GAB2: variants seen among roughly 807,000 people sequenced by gnomAD.
GAB2 encodes GRB2-associated-binding protein 2.
Under a neutral mutation model 65.5 loss-of-function variants are expected in GAB2, and 26 were observed. The observed-to-expected ratio is 0.40, with a 90% confidence interval of 0.29 to 0.55. GAB2 has a LOEUF of 0.55. Ranked by LOEUF, GAB2 falls within the 20% of genes least tolerant of loss-of-function variation. The pLI is 0.53. For missense variants in GAB2, 884 were observed against 875.8 expected, an observed-to-expected ratio of 1.01 and a Z score of -0.12; for synonymous variants, 321 against 329.6, an observed-to-expected ratio of 0.97 and a Z score of 0.28.
chr11:78,414,970 C>T (rs1375758650), intron 1 of GAB2, among the ~76,000 whole-genome samples: 2 of 152,128 alleles, frequency 1.3e-5, no homozygotes, highest in East Asian at 3.9e-4. Context: ...CTCCCGGGCT[C>T]ACGCGATTCT....
rs1234264088 is a variant in GAB2 at position 78,309,965 on chromosome 11, TGTGTGTGC to T, written c.76-29072_76-29065del. On this transcript the variant is annotated intron_variant, in intron 1 of 9. Transcript: ENST00000361507. ...GTGTGTGTGTGTGTGTGTGTGTGTG[TGTGTGTGC>T]GCGCGCGCCTGTGTGTGTGGTGGTG... Among the ~76,000 whole-genome samples the T allele has an allele frequency of 5.6e-3, 613 of 110,058 alleles. 4 individuals carry two copies. Among genetic ancestry groups the T allele is most frequent in the African/African-American group, 0.018 (556 of 30,056 alleles). The allele number at this position is 110,058 out of a possible 152,430, so 72.2% of individuals were successfully genotyped here. A position where few individuals can be genotyped will look rare whatever the true frequency, so the allele number is the denominator to read the frequency against.
intron 3 of GAB2, among the ~76,000 whole-genome samples, chr11:78,227,655 C>T (rs1166917879): frequency 8.9e-6 from 1 of 112,802 alleles, no homozygotes; most frequent in Non-Finnish European, 1.8e-5. Flanking sequence ...AAAGAACTAG[C>T]TGGGCAGGGT....
At chr11:78,339,491 C>A (rs895510560) in intron 1 of GAB2, among the ~76,000 whole-genome samples, 3 of 152,088 alleles carry the variant, frequency 2.0e-5, no homozygotes, top group African/African-American at 7.2e-5. Context: ...CCGCTTATGC[C>A]CTACAATACA....
chr11:78,396,593 T>A (rs1288617358), intron 1 of GAB2, among the ~76,000 whole-genome samples: 1 of 152,310 alleles, frequency 6.6e-6, no homozygotes, highest in East Asian at 1.9e-4. Context: ...TATTTTGTGA[T>A]GCGGAAATAT....
intron 1 of GAB2, among the ~76,000 whole-genome samples, chr11:78,298,565 A>AAC (rs900042676): frequency 2.6e-5 from 4 of 152,244 alleles, no homozygotes; most frequent in African/African-American, 9.6e-5. Context: ...AGACCAGGTC[A>AAC]ACCTTTCTAC....
intron 2 of GAB2, among the ~76,000 whole-genome samples, chr11:78,268,478 A>T (rs1865924551): frequency 6.6e-6 from 1 of 152,218 alleles, no homozygotes; most frequent in African/African-American, 2.4e-5. Context: ...CCAATATTAG[A>T]GTTAGACTGG....
chr11:78,343,641 G>A (rs933819240), intron 1 of GAB2, among the ~76,000 whole-genome samples: 1 of 152,204 alleles, frequency 6.6e-6, no homozygotes, highest in South Asian at 2.1e-4. Context: ...AGCCACTGCT[G>A]CTTCTTGGGA....
chr11:78,245,080 A>C (rs909000634), intron 3 of GAB2, among the ~76,000 whole-genome samples: 1 of 152,210 alleles, frequency 6.6e-6, no homozygotes, highest in Admixed American at 6.5e-5. Context: ...ATGTAGTATG[A>C]GTCCATGTAT....
At chr11:78,310,087 T>C (rs895985930) in intron 1 of GAB2, among the ~76,000 whole-genome samples, 2 of 151,956 alleles carry the variant, frequency 1.3e-5, no homozygotes, top group Non-Finnish European at 2.9e-5. Context: ...AAACCATGCA[T>C]AGGATAAAAT....
At chr11:78,416,858 A>T (rs1179354197) in intron 1 of GAB2, among the ~76,000 whole-genome samples, 1 of 146,436 alleles carries the variant, frequency 6.8e-6, no homozygotes, top group Admixed American at 6.8e-5. Context: ...CCAGTTCCCC[A>T]CCTAGAGGGA....
At chr11:78,370,703 GTGTGTGTGCGTGTGTGTGTGTA>G (rs1306352919) in intron 1 of GAB2, among the ~76,000 whole-genome samples, 155 of 145,530 alleles carry the variant, frequency 1.1e-3, no homozygotes, top group African/African-American at 4.2e-3. Flanking sequence ...AATATTGTAT[GTGTGTGTGCGTGTGTGTGTGTA>G]TGTGTGTGTG....
chr11:78,368,540 C>G (rs1276197715), intron 1 of GAB2, among the ~76,000 whole-genome samples: 1 of 152,062 alleles, frequency 6.6e-6, no homozygotes, highest in African/African-American at 2.4e-5. Context: ...AGTCACAATA[C>G]AAACAAATGT....
chr11:78,257,086 G>A (rs1022688605), intron 2 of GAB2, among the ~76,000 whole-genome samples: 1 of 151,798 alleles, frequency 6.6e-6, no homozygotes, highest in Non-Finnish European at 1.5e-5. Flanking sequence ...ATCACCCCTG[G>A]GAAGCCTGCC....
Position 78,216,087 on chromosome 11 carries a change from T to A in GAB2, c.*3185A>T, listed in dbSNP as rs1852819293. 2.6e-5 allele frequency: 4 copies of A among 151,952 alleles called. No individual in the cohort carries two copies. Among genetic ancestry groups the A allele is most frequent in the Admixed American group, 1.3e-4 (2 of 15,216 alleles). 9.4% of individuals were successfully genotyped at this position (151,952 alleles called of 1,614,324 possible). On this transcript the variant is annotated 3_prime_UTR_variant, in exon 10 of 10. Transcript: ENST00000361507. The stretch of plus-strand genomic sequence containing the variant: ...CAGAAAGAAGTTACAGAGGAGGGAG[T>A]CTCCCCTTCAAGCAGCTGAGCACCA...
chr11:78,373,876 G>T (rs1289853875), intron 1 of GAB2, among the ~76,000 whole-genome samples: 1 of 152,118 alleles, frequency 6.6e-6, no homozygotes, highest in Non-Finnish European at 1.5e-5. Context: ...CTAAAACAAG[G>T]TTCTTTTTAT....
chr11:78,254,237 A>C (rs1865534266), intron 2 of GAB2, among the ~76,000 whole-genome samples: 1 of 152,230 alleles, frequency 6.6e-6, no homozygotes, highest in African/African-American at 2.4e-5. Flanking sequence ...TCTATCACTT[A>C]TGTACCCCTA....
chr11:78,271,620 G>C (rs1455599844), intron 2 of GAB2, among the ~76,000 whole-genome samples: 1 of 151,998 alleles, frequency 6.6e-6, no homozygotes, highest in Admixed American at 6.6e-5. Context: ...TGAAAAAACA[G>C]ACAGTCTCCA....
At chr11:78,248,903 A>G (rs1379879574) in intron 3 of GAB2, among the ~76,000 whole-genome samples, 3 of 152,314 alleles carry the variant, frequency 2.0e-5, no homozygotes, top group Non-Finnish European at 4.4e-5. Flanking sequence ...AACGCCACTA[A>G]CTAGTTCAGT....
In GAB2 at chr11:78,223,608, T is replaced by C; in HGVS notation, c.1371A>G (p.Pro457=). ...CCATGGCCAACAGGGTGGAAGAACC[T>C]GGATTCATGGGCACATAGTTGTCTT... ...NSEDNYVPMN[P]GSSTLLAMER... is the part of the protein sequence containing the mutation. The change falls in exon 6 of 10, where the codon CCA becomes CCG. Residue 457 remains proline (P), a synonymous_variant. Coordinates refer to ENST00000361507, the MANE Select transcript of GAB2 (RefSeq NM_080491.3). 4 of 1,613,562 alleles carry C rather than the reference T, an allele frequency of 2.5e-6. No homozygotes were observed. Among genetic ancestry groups the C allele is most frequent in the Non-Finnish European group, 3.4e-6 (4 of 1,179,628 alleles).
Sources: gnomAD v4.1 joint callset for allele counts (sites outside exome capture counted in the v4.1 genomes callset) on GRCh38, gnomAD v4.1.1 for gene constraint, MANE v1.5 for transcripts, NCBI Gene and HGNC (gene_info 2026-07-23, HGNC 2026-07-21) for gene names.